The following GRID2IP variants were observed in gnomAD, a reference collection of about 807,000 sequenced individuals.
GRID2IP encodes the protein delphilin.
In GRID2IP, 78 loss-of-function variants were observed where a neutral mutation model predicts 114.3. The ratio of observed to expected loss-of-function variants is 0.68; its 90% CI spans 0.57 to 0.82. The LOEUF (loss-of-function observed/expected upper bound fraction) is 0.82. Ranked by LOEUF, GRID2IP falls within the 40% of genes least tolerant of loss-of-function variation. The pLI is 0.00. For missense variants in GRID2IP, 1,727 were observed against 1,678.5 expected (o/e 1.03, Z -0.51); for synonymous variants, 809 against 724.0 (o/e 1.12, Z -1.89).
Position 6,521,345 on chromosome 7 carries a change from T to A in GRID2IP, c.1084+84A>T, listed in dbSNP as rs895351133. ...CTGCAGGTTTAGGGGAAGAGCTGAG[T>A]CCTCCGCACTGTGACTCTCACATAT... On this transcript the variant is annotated intron_variant, in intron 6 of 21. Transcript: ENST00000457091. The surrounding 1 kb of genome is among the most constrained non-coding windows in gnomAD (Gnocchi z 4.1). 2.1e-6 allele frequency: 2 copies of A among 944,944 alleles called. No individual in the cohort carries two copies. The highest frequency in any genetic ancestry group is 3.3e-5 in the African/African-American group (2 of 59,850). The allele number at this position is 944,944 out of a possible 1,614,324, so 58.5% of individuals were successfully genotyped here. A position where few individuals can be genotyped will look rare whatever the true frequency, so the allele number is the denominator to read the frequency against.
chr7:6,526,392 C>A lies in GRID2IP; in HGVS notation c.834-83G>T. The A allele has an allele frequency of 4.0e-6, 6 of 1,507,712 alleles. No individual in the cohort carries two copies. Among genetic ancestry groups the A allele is most frequent in the South Asian group, 3.6e-5 (3 of 83,126 alleles). 93.4% of individuals were successfully genotyped at this position (1,507,712 alleles called of 1,614,324 possible). A position where few individuals can be genotyped will look rare whatever the true frequency, so the allele number is the denominator to read the frequency against. ...GTTGGAGATGTCCCGTGTCCCTCTC[C>A]CCTTAACCTCTCCGGCCCCCTATGC... On this transcript the variant is annotated intron_variant, in intron 3 of 21. Transcript: ENST00000457091. The surrounding 1 kb of genome is among the most constrained non-coding windows in gnomAD (Gnocchi z 7.6).
At chr7:6,548,489 C>A (rs1213076469) in intron 1 of GRID2IP, among the ~76,000 whole-genome samples, 28 of 152,028 alleles carry the variant, frequency 1.8e-4, no homozygotes, top group Admixed American at 1.4e-3. Context: ...ATCTCAGATA[C>A]CCCATAAATA....
rs1199404863 is a variant in GRID2IP at position 6,510,990 on chromosome 7, G to A, written c.1473C>T (p.Pro491=). 3.3e-6 allele frequency: 5 copies of A among 1,537,304 alleles called. No homozygotes were observed. In the East Asian group the frequency reaches 1.0e-4, roughly 31 times the overall value. Reference sequence around the variant, plus strand: ...AAGCCCGCAGGGAGCTCCGCGGCTGGGGCTCAGGCGTGGGCTCGGACTCCA... The same window carrying A: ...AAGCCCGCAGGGAGCTCCGCGGCTGAGGCTCAGGCGTGGGCTCGGACTCCA... ...LDLESEPTPE[P]QPRSSLRASS... is the part of the protein sequence containing the mutation. The change falls in exon 9 of 22, where the codon CCC becomes CCT. Residue 491 remains proline (P), a synonymous_variant. Coordinates refer to ENST00000457091, the MANE Select transcript of GRID2IP (RefSeq NM_001145118.2).
rs1278586484 is a variant in GRID2IP, at chr7:6,551,365, A to T, written c.72T>A (p.Ser24=). 1.9e-6 allele frequency: 3 copies of T among 1,548,724 alleles called. No individual in the cohort carries two copies. The East Asian group carries it at 7.4e-5, about 38-fold the overall frequency. Residue 24 remains serine, a synonymous_variant, in exon 1 of 22, where the codon TCT becomes TCA. Coordinates refer to ENST00000457091, the MANE Select transcript of GRID2IP (RefSeq NM_001145118.2). ...CCACCTCCAGGACGAAGCAGGGGCCAGAGCCACCTAGCCGGAAGCCAAAGT... is the reference window on the plus strand; with the variant it reads ...CCACCTCCAGGACGAAGCAGGGGCCTGAGCCACCTAGCCGGAAGCCAAAGT... ...PEDFGFRLGG[S]GPCFVLEVAK...
Position 6,508,735 on chromosome 7 carries a change from G to A in GRID2IP, c.2127+223C>T, listed in dbSNP as rs922912432. ...TGAGCTAAGGAATGGGCTAACCTGC[G>A]ACAGGGAATATGGGCTAGCCTCAGT... On this transcript the variant is annotated intron_variant, in intron 12 of 21. Coordinates refer to ENST00000457091, the MANE Select transcript of GRID2IP (RefSeq NM_001145118.2). This position sits in a 1 kb window ranked among gnomAD's most constrained non-coding sequence, Gnocchi z 5.6. 1.3e-5 allele frequency among the ~76,000 whole-genome samples: 2 copies of A among 152,142 alleles called. No individual in the cohort carries two copies. Among genetic ancestry groups the A allele is most frequent in the African/African-American group, 4.8e-5 (2 of 41,432 alleles).
Position 6,536,931 on chromosome 7 carries a change from G to T in GRID2IP, c.584+2787C>A. 1 of 564,194 alleles carries T rather than the reference G, an allele frequency of 1.8e-6. No individual in the cohort carries two copies. The highest frequency in any genetic ancestry group is 2.5e-5 in the Admixed American group (1 of 40,492). 34.9% of individuals were successfully genotyped at this position (564,194 alleles called of 1,614,324 possible). ...CTGGGGTGGGCGGGGGGGCGGCGGGGAGGGTGGCCAGCCCAGTCCCTGACA... is the reference window on the plus strand; with the variant it reads ...CTGGGGTGGGCGGGGGGGCGGCGGGTAGGGTGGCCAGCCCAGTCCCTGACA... On this transcript the variant is annotated intron_variant, in intron 2 of 21. Transcript: ENST00000457091. The surrounding 1 kb of genome is among the most constrained non-coding windows in gnomAD (Gnocchi z 5.3).
At chr7:6,524,484 T>C (rs1263824484) in intron 4 of GRID2IP, among the ~76,000 whole-genome samples, 1 of 152,106 alleles carries the variant, frequency 6.6e-6, no homozygotes, top group Non-Finnish European at 1.5e-5. Context: ...ACAATGAATA[T>C]GAGTGCACAC....
At chr7:6,538,550 G>C (rs1056505199) in intron 2 of GRID2IP, among the ~76,000 whole-genome samples, 2 of 150,370 alleles carry the variant, frequency 1.3e-5, no homozygotes, top group African/African-American at 4.9e-5. Flanking sequence ...CTGGGCGACA[G>C]AGCGAGACCC....
rs1779517327 is a variant in GRID2IP, at chr7:6,526,635, T to A, written c.719A>T (p.Glu240Val). 1 of 1,350,900 alleles carries A rather than the reference T, an allele frequency of 7.4e-7. No homozygotes were observed. Among genetic ancestry groups the A allele is most frequent in the Non-Finnish European group, 9.5e-7 (1 of 1,052,950 alleles). 83.7% of individuals were successfully genotyped at this position (1,350,900 alleles called of 1,614,324 possible). ...GGCGCGCGTGGACACCAGGAGGCGC[T>A]CCGGCCGCTCCTCGCTGCGGCTCCG... ...LRRSRSEERP[E>V]RLLVSTRASA... The change falls in exon 3 of 22, where the codon GAG (glutamate) becomes GTG (valine). Residue 240 changes from glutamate (E) to valine (V), a missense_variant. Physicochemically the swap from Glu to Val is moderately radical, Grantham distance 121. Coordinates refer to ENST00000457091, the MANE Select transcript of GRID2IP (RefSeq NM_001145118.2). This position sits in a 1 kb window ranked among gnomAD's most constrained non-coding sequence, Gnocchi z 7.6.
At chr7:6,518,679 T>G (rs1426512744) in intron 7 of GRID2IP, among the ~76,000 whole-genome samples, 1 of 151,952 alleles carries the variant, frequency 6.6e-6, no homozygotes, top group Non-Finnish European at 1.5e-5. Flanking sequence ...GAGGTTGCAG[T>G]GAGCCGAGAG....
Position 6,506,050 on chromosome 7 carries a change from G to A in GRID2IP, c.2545-143C>T, listed in dbSNP as rs1786576165. 4.8e-6 allele frequency: 3 copies of A among 619,364 alleles called. No homozygotes were observed. Among genetic ancestry groups the A allele is most frequent in the East Asian group, 2.7e-5 (1 of 36,510 alleles). The allele number at this position is 619,364 out of a possible 1,614,324, so 38.4% of individuals were successfully genotyped here. On this transcript the variant is annotated intron_variant, in intron 13 of 21. Coordinates refer to ENST00000457091, the MANE Select transcript of GRID2IP (RefSeq NM_001145118.2). The surrounding 1 kb of genome is among the most constrained non-coding windows in gnomAD (Gnocchi z 5.2). The stretch of plus-strand genomic sequence containing the variant: ...TGCTGGGATAAAGCCCGGAGCAGGA[G>A]GAGACTGCAGGAGAAGCCAGATCAT...
intron 1 of GRID2IP, among the ~76,000 whole-genome samples, chr7:6,543,651 C>T (rs2115100253): frequency 6.6e-6 from 1 of 151,976 alleles, no homozygotes; most frequent in South Asian, 2.1e-4. Context: ...GCTCTGTTGC[C>T]CAGGCTGGAG....
intron 18 of GRID2IP, 67 bp from the exon 19 acceptor site, chr7:6,502,185 T>G (rs1423537283): frequency 7.0e-7 from 1 of 1,431,598 alleles, no homozygotes; most frequent in East Asian, 2.5e-5. Context: ...TGGGCCCAGC[T>G]TCTCCTGGAC....
At position 6,528,358 on chromosome 7, in the gene GRID2IP, C is replaced by T. The variant is rs934411266; in HGVS notation, c.585-1589G>A. ...TTAACATCCTGATGGACTCTCCGGT[C>T]TGTGGCAGAGGATTCTGAGGCACAG... On this transcript the variant is annotated intron_variant, in intron 2 of 21. Coordinates refer to ENST00000457091, the MANE Select transcript of GRID2IP (RefSeq NM_001145118.2). This position sits in a 1 kb window ranked among gnomAD's most constrained non-coding sequence, Gnocchi z 6.0. Among the ~76,000 whole-genome samples the T allele has an allele frequency of 1.3e-5, 2 of 152,224 alleles. No homozygotes were observed.
rs1485427202 is a variant in GRID2IP, at chr7:6,516,444, A to G, written c.1269-1915T>C. 1.3e-5 allele frequency among the ~76,000 whole-genome samples: 2 copies of G among 152,178 alleles called. No homozygotes were observed. The highest frequency in any genetic ancestry group is 4.8e-5 in the African/African-American group (2 of 41,456). ...ATACAGAGATAGGAGCTGAAGGGAC[A>G]CGGTGAGAAGTGACCAAAAGACAAG... is the stretch of plus-strand genomic sequence containing the variant. On this transcript the variant is annotated intron_variant, in intron 7 of 21. Transcript: ENST00000457091. This position sits in a 1 kb window ranked among gnomAD's most constrained non-coding sequence, Gnocchi z 4.3.
Position 6,508,614 on chromosome 7 carries a change from C to T in GRID2IP, c.2128-213G>A, listed in dbSNP as rs1015229437. On this transcript the variant is annotated intron_variant, in intron 12 of 21. Coordinates refer to ENST00000457091, the MANE Select transcript of GRID2IP (RefSeq NM_001145118.2). This position sits in a 1 kb window ranked among gnomAD's most constrained non-coding sequence, Gnocchi z 5.6. The stretch of plus-strand genomic sequence containing the variant: ...GGGATAGCCTGGGCTAAGGATAGGA[C>T]CCTCTCATGGGTAAGCCTCAGGCTG... Among the ~76,000 whole-genome samples, 7 of 137,244 alleles carry T rather than the reference C, an allele frequency of 5.1e-5. No homozygotes were observed. Among genetic ancestry groups the T allele is most frequent in the Non-Finnish European group, 1.2e-4 (7 of 57,710 alleles). 90.0% of individuals were successfully genotyped at this position (137,244 alleles called of 152,430 possible).
At chr7:6,549,961 G>T (rs1779948821) in intron 1 of GRID2IP, among the ~76,000 whole-genome samples, 1 of 151,824 alleles carries the variant, frequency 6.6e-6, no homozygotes, top group African/African-American at 2.4e-5. Flanking sequence ...TAGATGAAGG[G>T]CCAAGAAGCG....
rs756084272 is a variant in GRID2IP, at chr7:6,520,478, C to T, written c.1268+100G>A. ...CCTTCCTGAGCATCCCCCAGGAGAA[C>T]GGGACTGAGGAGGTTCAGGCAGGGA... On this transcript the variant is annotated intron_variant, in intron 7 of 21. Transcript: ENST00000457091. This position sits in a 1 kb window ranked among gnomAD's most constrained non-coding sequence, Gnocchi z 4.6. The T allele has an allele frequency of 6.0e-5, 78 of 1,298,422 alleles. No individual in the cohort carries two copies. The highest frequency in any genetic ancestry group is 2.8e-4 in the African/African-American group (19 of 67,664). The allele number at this position is 1,298,422 out of a possible 1,614,324, so 80.4% of individuals were successfully genotyped here. A position where few individuals can be genotyped will look rare whatever the true frequency, so the allele number is the denominator to read the frequency against.
chr7:6,538,421 G>A (rs1161368470), intron 2 of GRID2IP, among the ~76,000 whole-genome samples: 1 of 150,562 alleles, frequency 6.6e-6, no homozygotes, highest in Non-Finnish European at 1.5e-5. Flanking sequence ...AAGTAATCAG[G>A]CCGGGTACAG....
Sources: allele counts gnomAD v4.1 joint callset (sites outside exome capture counted in the v4.1 genomes callset), GRCh38; gene constraint gnomAD v4.1.1; non-coding constraint Gnocchi (gnomAD v3.1); transcripts MANE v1.5; gene names NCBI Gene and HGNC (gene_info 2026-07-23, HGNC 2026-07-21).